HRH1: variants seen among roughly 807,000 people sequenced by gnomAD.
The protein encoded by HRH1 is histamine H1 receptor.
HRH1 carries 6 observed loss-of-function variants against 10.3 expected under a neutral mutation model. That is an observed-to-expected ratio of 0.58 (90% CI 0.32 to 1.15). The LOEUF is 1.15. Ranked by LOEUF, HRH1 falls within the 50% of genes most tolerant of loss-of-function variation. The pLI, the probability that HRH1 is intolerant of heterozygous loss-of-function variation, is 0.05. For synonymous variants in HRH1, 242 were observed against 236.7 expected, an observed-to-expected ratio of 1.02 and a Z score of -0.21; for missense variants, 514 against 615.3, an observed-to-expected ratio of 0.84 and a Z score of 1.74.
chr3:11,152,325 C>T (rs1936651921), upstream of HRH1, among the ~76,000 whole-genome samples: 1 of 152,164 alleles, frequency 6.6e-6, no homozygotes, highest in Non-Finnish European at 1.5e-5. Flanking sequence ...TGCTCCCCAA[C>T]CCCTCATACA....
chr3:11,149,219 C>G (rs942165667), intron 1 of HRH1, among the ~76,000 whole-genome samples: 1 of 152,186 alleles, frequency 6.6e-6, no homozygotes, highest in African/African-American at 2.4e-5. Flanking sequence ...ATAAAAGGTG[C>G]AATCTATAGA....
intron 1 of HRH1, among the ~76,000 whole-genome samples, chr3:11,182,157 A>G (rs549491769): frequency 1.3e-4 from 19 of 150,748 alleles, no homozygotes; most frequent in African/African-American, 3.7e-4. Context: ...TAATTTTTGT[A>G]TTTTTAGTAG....
chr3:11,210,609 C>T (rs1413665071), intron 1 of HRH1, among the ~76,000 whole-genome samples: 4 of 151,962 alleles, frequency 2.6e-5, no homozygotes, highest in South Asian at 2.1e-4. Context: ...CTGGGCAATG[C>T]GGTGAAACCC....
At chr3:11,229,152 C>G (rs568087929) in intron 1 of HRH1, among the ~76,000 whole-genome samples, 54 of 152,284 alleles carry the variant, frequency 3.5e-4, no homozygotes, top group African/African-American at 1.3e-3. Flanking sequence ...TTCCACCTTT[C>G]CTTTGTCCTT....
chr3:11,219,386 GGTAA>G (rs1421801938), intron 1 of HRH1, among the ~76,000 whole-genome samples: 25 of 152,090 alleles, frequency 1.6e-4, no homozygotes, highest in African/African-American at 5.8e-4. Context: ...TGGTTAAAGT[GGTAA>G]GTGTTTTAGT....
At chr3:11,218,051 A>C (rs998899531) in intron 1 of HRH1, among the ~76,000 whole-genome samples, 2 of 152,270 alleles carry the variant, frequency 1.3e-5, no homozygotes, top group African/African-American at 4.8e-5. Context: ...TAAGGAAATA[A>C]AAGGATGAAT....
chr3:11,253,714 G>A (rs1406129998), intron 1 of HRH1, among the ~76,000 whole-genome samples: 3 of 152,164 alleles, frequency 2.0e-5, no homozygotes, highest in Non-Finnish European at 4.4e-5. Flanking sequence ...TGGGAATTAT[G>A]TTCAGCCGCT....
chr3:11,138,487 C>G (rs1936228957), intron 1 of HRH1, among the ~76,000 whole-genome samples: 1 of 152,128 alleles, frequency 6.6e-6, no homozygotes, highest in South Asian at 2.1e-4. Flanking sequence ...TGGACAATAA[C>G]AAATGTTGGC....
intron 1 of HRH1, among the ~76,000 whole-genome samples, chr3:11,218,866 G>A (rs988984146): frequency 6.6e-6 from 1 of 151,744 alleles, no homozygotes; most frequent in Non-Finnish European, 1.5e-5. Flanking sequence ...GTGAGCCACT[G>A]TGCCCAGCCT....
chr3:11,156,121 C>T (rs748098914), intron 1 of HRH1, among the ~76,000 whole-genome samples: 3 of 152,210 alleles, frequency 2.0e-5, no homozygotes, highest in Non-Finnish European at 4.4e-5. Context: ...AGGTCCACTG[C>T]TCACAGGAAT....
Position 11,217,371 on chromosome 3 carries a change from A to G in HRH1, c.-35-41632A>G, listed in dbSNP as rs113002759. Reference sequence around the variant, plus strand: ...ATAGTGAAACCCTGTCTCTACAAAAATACAAAAATTATCCCGGCATGATGG... The same window carrying G: ...ATAGTGAAACCCTGTCTCTACAAAAGTACAAAAATTATCCCGGCATGATGG... On this transcript the variant is annotated intron_variant, in intron 1 of 1. Transcript: ENST00000431010. 3.7e-4 allele frequency among the ~76,000 whole-genome samples: 56 copies of G among 152,046 alleles called. 1 individual carries two copies. Among genetic ancestry groups the G allele is most frequent in the African/African-American group, 1.3e-3 (52 of 41,486 alleles).
intron 1 of HRH1, among the ~76,000 whole-genome samples, chr3:11,203,706 C>A (rs1169338774): frequency 6.6e-6 from 1 of 152,136 alleles, no homozygotes; most frequent in Non-Finnish European, 1.5e-5. Flanking sequence ...TGTTCCATTA[C>A]TCTGTTTATT....
At chr3:11,139,561 T>G (rs1209986380) in intron 1 of HRH1, among the ~76,000 whole-genome samples, 2 of 152,114 alleles carry the variant, frequency 1.3e-5, no homozygotes, top group Admixed American at 1.3e-4. Context: ...ATTTCAGGCG[T>G]GAGCCACCGT....
chr3:11,209,114 AAG>A (rs1938235934), intron 1 of HRH1, among the ~76,000 whole-genome samples: 1 of 152,196 alleles, frequency 6.6e-6, no homozygotes, highest in African/African-American at 2.4e-5. Flanking sequence ...TAATTTTTTT[AAG>A]AGTCTTGCTC....
At position 11,261,674 on chromosome 3, in the gene HRH1, TA is replaced by T; in HGVS notation, c.*1178del. ...CAATATGGAGAAACCTTGTCTCTAC[TA>T]AAAACACAAAAATTATCTGGGCATG... On this transcript the variant is annotated 3_prime_UTR_variant, in exon 2 of 2. Coordinates refer to ENST00000431010, the MANE Select transcript of HRH1 (RefSeq NM_001098212.2). The T allele has an allele frequency of 6.2e-6, 1 of 162,246 alleles. No homozygotes were observed. 10.1% of individuals were successfully genotyped at this position (162,246 alleles called of 1,614,324 possible).
chr3:11,205,910 G>A (rs935518611), intron 1 of HRH1, among the ~76,000 whole-genome samples: 5 of 151,922 alleles, frequency 3.3e-5, no homozygotes, highest in African/African-American at 9.7e-5. Flanking sequence ...TCCGCCCGCC[G>A]CGGCCTCCCA....
intron 1 of HRH1, among the ~76,000 whole-genome samples, chr3:11,143,221 C>G (rs1936329137): frequency 6.6e-6 from 1 of 152,102 alleles, no homozygotes; most frequent in Non-Finnish European, 1.5e-5. Flanking sequence ...GGGTGAGAAG[C>G]CTCTGGAGGG....
At chr3:11,207,485 C>G (rs1379079337) in intron 1 of HRH1, among the ~76,000 whole-genome samples, 1 of 152,018 alleles carries the variant, frequency 6.6e-6, no homozygotes, top group African/African-American at 2.4e-5. Context: ...AGGAGAATGG[C>G]GTGAACCTGG....
At position 11,260,591 on chromosome 3, in the gene HRH1, C is replaced by T. The variant is rs1939929436; in HGVS notation, c.*90C>T. ...AGGCCTGTGTGTTGCCAGGCAGGCACCTGGGCTTTCTGGAATCCAAACCAC... is the reference window on the plus strand; with the variant it reads ...AGGCCTGTGTGTTGCCAGGCAGGCATCTGGGCTTTCTGGAATCCAAACCAC... On this transcript the variant is annotated 3_prime_UTR_variant, in exon 2 of 2. Coordinates refer to ENST00000431010, the MANE Select transcript of HRH1 (RefSeq NM_001098212.2). 2.4e-6 allele frequency: 3 copies of T among 1,268,448 alleles called. No individual in the cohort carries two copies. Among genetic ancestry groups the T allele is most frequent in the Non-Finnish European group, 3.3e-6 (3 of 908,104 alleles). 78.6% of individuals were successfully genotyped at this position (1,268,448 alleles called of 1,614,324 possible). A position where few individuals can be genotyped will look rare whatever the true frequency, so the allele number is the denominator to read the frequency against.
Sources: allele counts gnomAD v4.1 joint callset (sites outside exome capture counted in the v4.1 genomes callset), GRCh38; gene constraint gnomAD v4.1.1; transcripts MANE v1.5; gene names NCBI Gene and HGNC (gene_info 2026-07-23, HGNC 2026-07-21).